The following CCPG1 variants were observed in gnomAD, a reference collection of about 807,000 sequenced individuals.
CCPG1 encodes cell cycle progression protein 1.
CCPG1 carries 46 observed loss-of-function variants against 81.3 expected under a neutral mutation model. The observed-to-expected ratio is 0.57, with a 90% CI of 0.45 to 0.72. CCPG1 has a LOEUF of 0.72. Ranked by LOEUF, CCPG1 falls within the 30% of genes least tolerant of loss-of-function variation. CCPG1 has a pLI of 0.00. For synonymous variants in CCPG1, 330 were observed against 305.2 expected, an observed-to-expected ratio of 1.08 and a Z score of -0.85; for missense variants, 902 against 937.6, an observed-to-expected ratio of 0.96 and a Z score of 0.50.
intron 5 of CCPG1, chr15:55,373,173 T>C (rs2056490623): frequency 3.2e-5 from 13 of 402,846 alleles, no homozygotes; most frequent in South Asian, 2.4e-4. Flanking sequence ...TTCAGTTTTT[T>C]CCAAATGCAT....
intron 6 of CCPG1, 110 bp downstream of exon 6, chr15:55,371,683 A>T: frequency 8.7e-7 from 1 of 1,143,900 alleles, no homozygotes; most frequent in Non-Finnish European, 1.2e-6. Flanking sequence ...TCAAGTTTTC[A>T]AGGCCACACA....
intron 1 of CCPG1, among the ~76,000 whole-genome samples, chr15:55,397,358 C>T (rs536788060): frequency 1.8e-4 from 28 of 152,118 alleles, no homozygotes; most frequent in Non-Finnish European, 2.9e-4. Context: ...GTCACAGAAG[C>T]GTTTTGAGAA....
At chr15:55,358,907 A>G (rs1328900038) in intron 8 of CCPG1, 1 of 961,240 alleles carries the variant, frequency 1.0e-6, no homozygotes, top group East Asian at 1.2e-4. Flanking sequence ...TGAAGCTAAC[A>G]TTTGAAGATT....
chr15:55,407,780 G>C (rs1356697573), intron 1 of CCPG1: 1 of 152,236 alleles, frequency 6.6e-6, no homozygotes, highest in East Asian at 1.9e-4. Flanking sequence ...GACATCACGG[G>C]GGCTCAAATG....
intron 6 of CCPG1, among the ~76,000 whole-genome samples, chr15:55,368,574 G>A (rs1197913471): frequency 6.6e-6 from 1 of 152,166 alleles, no homozygotes; most frequent in Non-Finnish European, 1.5e-5. Context: ...GAACTCCATT[G>A]ATGATTTGGA....
At position 55,360,690 on chromosome 15, in the gene CCPG1, T is replaced by C; in HGVS notation, c.1083A>G (p.Glu361=). Residue 361 remains glutamate, a synonymous_variant, in exon 8 of 9, where the codon GAA becomes GAG. Transcript: ENST00000442196. ...TAAGAAAGCTGTGTTTTTTCTGCTT[T>C]TCCTCTTCCAAATGCTGCTTAAGTT... ...NQKLKQHLEE[E]KQKKHSFLSQ... is the part of the protein sequence containing the mutation. The C allele has an allele frequency of 6.2e-7, 1 of 1,613,828 alleles. No homozygotes were observed. The highest frequency in any genetic ancestry group is 8.5e-7 in the Non-Finnish European group (1 of 1,179,956).
In CCPG1 at chr15:55,360,778, C is replaced by G; in HGVS notation, c.995G>C (p.Arg332Thr). The G allele has an allele frequency of 6.2e-7, 1 of 1,612,790 alleles. No individual in the cohort carries two copies. The highest frequency in any genetic ancestry group is 1.1e-5 in the South Asian group (1 of 90,704). The change falls in exon 8 of 9, where the codon AGA becomes ACA. Residue 332 changes from arginine (R) to threonine (T), a missense_variant. Arg to Thr is a moderately conservative substitution (Grantham distance 71, BLOSUM62 -1). This residue lies in a region of CCPG1 where 746 missense variants were observed against 728.6 expected (regional missense o/e 1.02). Coordinates refer to ENST00000442196, the MANE Select transcript of CCPG1 (RefSeq NM_001204450.2). ...SSLQEELNKL[R>T]EQIRILEDKG... Reference sequence around the variant, plus strand: ...ATCTTCCAATATTCTAATCTGTTCTCTTAGTTTGTTTAACTCTTCCTGTAA... The same window carrying G: ...ATCTTCCAATATTCTAATCTGTTCTGTTAGTTTGTTTAACTCTTCCTGTAA...
At chr15:55,378,232 TAG>T (rs2056606536) in intron 4 of CCPG1, 66 bp downstream of exon 4, 1 of 950,750 alleles carries the variant, frequency 1.1e-6, no homozygotes, top group Non-Finnish European at 1.6e-6. Context: ...TAAATAGAAT[TAG>T]AGGCTTTAAA....
intron 3 of CCPG1, among the ~76,000 whole-genome samples, chr15:55,384,790 T>G (rs1459748137): frequency 6.6e-6 from 1 of 152,120 alleles, no homozygotes. Context: ...TGCCACAAAC[T>G]TTCAATTTGT....
chr15:55,377,629 A>G (rs915735948), intron 4 of CCPG1, among the ~76,000 whole-genome samples: 7 of 152,252 alleles, frequency 4.6e-5, no homozygotes, highest in African/African-American at 1.7e-4. Flanking sequence ...GATAGTACTA[A>G]GAAGTGGGAC....
At chr15:55,407,985 C>G (rs997639280) in intron 1 of CCPG1, 1 of 152,342 alleles carries the variant, frequency 6.6e-6, no homozygotes. Flanking sequence ...GGCTGCAAGA[C>G]CACCGGACCG....
chr15:55,398,712 A>AC (rs2057069974), intron 1 of CCPG1, among the ~76,000 whole-genome samples: 1 of 151,840 alleles, frequency 6.6e-6, no homozygotes, highest in South Asian at 2.1e-4. Flanking sequence ...CTCCCAAGTA[A>AC]CTGGGATTAC....
At chr15:55,391,685 T>A (rs1209441062) in intron 1 of CCPG1, among the ~76,000 whole-genome samples, 2 of 152,060 alleles carry the variant, frequency 1.3e-5, no homozygotes, top group Admixed American at 1.3e-4. Flanking sequence ...ATTGAGATAC[T>A]ACATTAAAAT....
At chr15:55,398,871 C>T (rs866594750) in intron 1 of CCPG1, among the ~76,000 whole-genome samples, 6 of 152,116 alleles carry the variant, frequency 3.9e-5, no homozygotes, top group African/African-American at 1.2e-4. Context: ...TGAGCCACTG[C>T]GCCCAGCATG....
At chr15:55,386,960 A>C (rs2056812775) in intron 2 of CCPG1, among the ~76,000 whole-genome samples, 1 of 152,082 alleles carries the variant, frequency 6.6e-6, no homozygotes, top group African/African-American at 2.4e-5. Flanking sequence ...TTCGGAATGC[A>C]AGACTCCGAG....
At chr15:55,368,748 A>G (rs2056383907) in intron 6 of CCPG1, among the ~76,000 whole-genome samples, 2 of 152,210 alleles carry the variant, frequency 1.3e-5, no homozygotes, top group East Asian at 1.9e-4. Context: ...AGATCTGCCA[A>G]TTCAAATCTG....
chr15:55,372,723 A>T (rs1460378187), intron 5 of CCPG1: 1 of 261,980 alleles, frequency 3.8e-6, no homozygotes, highest in Non-Finnish European at 7.6e-6. Context: ...AAGAAAAAAA[A>T]TACTCTCTGT....
In CCPG1 at chr15:55,355,607, A is replaced by G; in HGVS notation, c.*613T>C. 2.3e-6 allele frequency: 1 copy of G among 443,758 alleles called. No homozygotes were observed. The allele number at this position is 443,758 out of a possible 1,614,324, so 27.5% of individuals were successfully genotyped here. On this transcript the variant is annotated 3_prime_UTR_variant, in exon 9 of 9. Transcript: ENST00000442196. ...CCACATAGTATAAAATTACATGTTA[A>G]TACAATGCCAGATTTTAAATAAAGA...
Position 55,359,926 on chromosome 15 carries a change from T to C in CCPG1, c.1847A>G (p.His616Arg), listed in dbSNP as rs749888482. ...AGAATGAGAATTTTCTCTACAATCA[T>C]GCCCAGGACTGCATTTCTTTGAATT... ...NTNSKKCSPG[H>R]DCRENSHSFR... The change falls in exon 8 of 9, where the codon CAT becomes CGT. Residue 616 changes from histidine (H) to arginine (R), a missense_variant. By Grantham distance (29) the His-to-Arg change is conservative. This residue lies in a region of CCPG1 where 746 missense variants were observed against 728.6 expected (regional missense o/e 1.02). Transcript: ENST00000442196. The C allele has an allele frequency of 6.2e-7, 1 of 1,613,642 alleles. No individual in the cohort carries two copies. The highest frequency in any genetic ancestry group is 1.3e-5 in the African/African-American group (1 of 75,056).
Sources: gnomAD v4.1 joint callset for allele counts (sites outside exome capture counted in the v4.1 genomes callset) on GRCh38, gnomAD v4.1.1 for gene constraint, gnomAD v4.1.1 regional missense constraint, MANE v1.5 for transcripts, NCBI Gene and HGNC (gene_info 2026-07-23, HGNC 2026-07-21) for gene names.